The following MTUS2 variants were observed in gnomAD, a reference collection of about 807,000 sequenced individuals.
MTUS2 encodes the protein microtubule associated scaffold protein 2.
MTUS2 carries 40 observed loss-of-function variants against 114.1 expected under a neutral mutation model. That is an observed-to-expected ratio of 0.35 (90% CI 0.27 to 0.46). The LOEUF (loss-of-function observed/expected upper bound fraction) is 0.46. MTUS2 is among the 20% of genes least tolerant of loss of function. The probability of loss-of-function intolerance (pLI) is 1.00; values close to 1 mark genes in which losing one functional copy is unlikely to be tolerated. For synonymous variants in MTUS2, 688 were observed against 672.0 expected (o/e 1.02, Z -0.37); for missense variants, 1,679 against 1,705.4 (o/e 0.98, Z 0.27).
At chr13:29,243,460 G>A (rs554767318) in intron 5 of MTUS2, among the ~76,000 whole-genome samples, 2 of 152,312 alleles carry the variant, frequency 1.3e-5, no homozygotes, top group East Asian at 3.9e-4. Flanking sequence ...GGCTATTGAT[G>A]ACATTTGCTT....
intron 6 of MTUS2, among the ~76,000 whole-genome samples, chr13:29,290,412 C>G (rs1898657916): frequency 6.6e-6 from 1 of 152,162 alleles, no homozygotes; most frequent in South Asian, 2.1e-4. Context: ...TCACTGCAAC[C>G]TCCGCCTCCC....
intron 4 of MTUS2, among the ~76,000 whole-genome samples, chr13:29,075,060 T>C (rs1889123488): frequency 1.3e-5 from 2 of 152,244 alleles, no homozygotes; most frequent in South Asian, 4.1e-4. Flanking sequence ...TCTGTCTCTA[T>C]ACATTTGCCT....
chr13:28,923,784 T>C (rs1275704201), intron 2 of MTUS2, among the ~76,000 whole-genome samples: 1 of 152,180 alleles, frequency 6.6e-6, no homozygotes, highest in African/African-American at 2.4e-5. Context: ...ACCTTGCCTG[T>C]GGGGTCCTAG....
At chr13:28,842,935 G>GC (rs1237173473) in intron 2 of MTUS2, among the ~76,000 whole-genome samples, 1 of 152,180 alleles carries the variant, frequency 6.6e-6, no homozygotes, top group Non-Finnish European at 1.5e-5. Flanking sequence ...GACAGGTGCT[G>GC]CCATGGCTCT....
At chr13:29,100,169 G>A (rs553284629) in intron 4 of MTUS2, among the ~76,000 whole-genome samples, 15 of 152,180 alleles carry the variant, frequency 9.9e-5, no homozygotes, top group Non-Finnish European at 1.9e-4. Flanking sequence ...GTGGCTTTAA[G>A]TGTTAGGACA....
At chr13:29,485,554 G>A (rs73154417) in intron 10 of MTUS2, among the ~76,000 whole-genome samples, 8,849 of 152,114 alleles carry the variant, frequency 0.058, 675 homozygotes, top group African/African-American at 0.18. Context: ...ATGAACTTTT[G>A]GAGTTAAGAG....
chr13:29,299,754 C>T (rs184663289), intron 6 of MTUS2, among the ~76,000 whole-genome samples: 9 of 152,180 alleles, frequency 5.9e-5, no homozygotes, highest in East Asian at 3.9e-4. Context: ...TCTTGAACTA[C>T]GGCTGCTAAC....
At chr13:28,913,500 C>A (rs1278237748) in intron 2 of MTUS2, among the ~76,000 whole-genome samples, 13 of 152,142 alleles carry the variant, frequency 8.5e-5, no homozygotes, top group South Asian at 8.3e-4. Flanking sequence ...TGATGTGCTG[C>A]TGGATTTGGT....
rs1037198284 is a variant in MTUS2 at position 28,820,563 on chromosome 13, A to T, written c.-364A>T. On this transcript the variant is annotated 5_prime_UTR_variant, in exon 1 of 16. Transcript: ENST00000612955. ...CCGAGATGAGCGTCTCCGTGAGGGCAGTGGTGGCCTCTTGGACATTACATC... is the reference window on the plus strand; with the variant it reads ...CCGAGATGAGCGTCTCCGTGAGGGCTGTGGTGGCCTCTTGGACATTACATC... 2.6e-5 allele frequency: 4 copies of T among 152,498 alleles called. No homozygotes were observed. Among genetic ancestry groups the T allele is most frequent in the African/African-American group, 9.6e-5 (4 of 41,458 alleles). The allele number at this position is 152,498 out of a possible 1,614,324, so 9.4% of individuals were successfully genotyped here. A position where few individuals can be genotyped will look rare whatever the true frequency, so the allele number is the denominator to read the frequency against.
intron 2 of MTUS2, among the ~76,000 whole-genome samples, chr13:28,847,879 G>A (rs575988924): frequency 3.4e-4 from 51 of 152,130 alleles, no homozygotes; most frequent in Non-Finnish European, 4.4e-5. Flanking sequence ...GCTCAGACTT[G>A]GGAGGAGAGC....
chr13:29,002,059 C>T (rs896358993), intron 2 of MTUS2, among the ~76,000 whole-genome samples: 6 of 152,154 alleles, frequency 3.9e-5, no homozygotes, highest in Non-Finnish European at 5.9e-5. Context: ...TTTTAAGACC[C>T]ATCTTGAACT....
intron 5 of MTUS2, chr13:29,250,336 A>T (rs1476611901): frequency 1.3e-5 from 2 of 152,134 alleles, no homozygotes; most frequent in African/African-American, 2.4e-5. Context: ...CATGAGTTTC[A>T]GTATCAGCAT....
chr13:29,131,704 T>G (rs1282689062), intron 5 of MTUS2, among the ~76,000 whole-genome samples: 1 of 152,258 alleles, frequency 6.6e-6, no homozygotes, highest in Non-Finnish European at 1.5e-5. Context: ...CCTGGCTTCC[T>G]GCTCACCTCC....
intron 2 of MTUS2, among the ~76,000 whole-genome samples, chr13:29,016,786 A>C (rs1357208386): frequency 2.0e-5 from 3 of 152,240 alleles, no homozygotes; most frequent in African/African-American, 4.8e-5. Flanking sequence ...TAAAGAGAAC[A>C]AAGCAGGCTC....
chr13:29,498,272 C>G, intron 13 of MTUS2, 146 bp from the exon 14 acceptor site: 1 of 1,157,302 alleles, frequency 8.6e-7, no homozygotes. Flanking sequence ...TCAGGGAAGG[C>G]TGTGAGCATC....
intron 5 of MTUS2, among the ~76,000 whole-genome samples, chr13:29,209,777 A>G (rs1895348715): frequency 6.6e-6 from 1 of 152,174 alleles, no homozygotes; most frequent in African/African-American, 2.4e-5. Context: ...TCTGGTTTGT[A>G]GGGTTTCTGC....
At chr13:28,890,526 A>G (rs1878857056) in intron 2 of MTUS2, among the ~76,000 whole-genome samples, 1 of 152,148 alleles carries the variant, frequency 6.6e-6, no homozygotes, top group African/African-American at 2.4e-5. Context: ...TAGCGTTTTT[A>G]TGAGAATTAA....
At chr13:28,854,468 C>A (rs1316549374) in intron 2 of MTUS2, among the ~76,000 whole-genome samples, 1 of 152,126 alleles carries the variant, frequency 6.6e-6, no homozygotes, top group Admixed American at 6.5e-5. Context: ...GAATGTGAAG[C>A]CCTCTCAGGA....
intron 11 of MTUS2, among the ~76,000 whole-genome samples, chr13:29,491,007 G>GTGTGT (rs1555286008): frequency 1.3e-4 from 17 of 133,822 alleles, no homozygotes; most frequent in African/African-American, 2.4e-4. Context: ...GTGTGTGTGT[G>GTGTGT]GTGTGGGAGG....
Sources: gnomAD v4.1 joint callset for allele counts (sites outside exome capture counted in the v4.1 genomes callset) on GRCh38, gnomAD v4.1.1 for gene constraint, MANE v1.5 for transcripts, NCBI Gene and HGNC (gene_info 2026-07-23, HGNC 2026-07-21) for gene names.